The following CGGBP1 variants were observed in gnomAD, a reference collection of about 807,000 sequenced individuals.
CGGBP1 encodes CGG triplet repeat-binding protein 1.
A neutral mutation model predicts 11.4 loss-of-function variants in CGGBP1; 4 were observed. The observed-to-expected ratio is 0.35, with a 90% CI of 0.17 to 0.80. The LOEUF (loss-of-function observed/expected upper bound fraction) is 0.80. CGGBP1 is among the 30% of genes least tolerant of loss of function. The pLI is 0.52. For synonymous variants in CGGBP1, 76 were observed against 74.1 expected (o/e 1.03, Z -0.13); for missense variants, 135 against 202.1 (o/e 0.67, Z 2.01).
intron 2 of CGGBP1, among the ~76,000 whole-genome samples, chr3:88,104,115 A>G (rs1704598816): frequency 1.3e-5 from 2 of 152,134 alleles, no homozygotes; most frequent in African/African-American, 4.8e-5. Flanking sequence ...TATGTAATCA[A>G]AAACTGAGGT....
intron 2 of CGGBP1, chr3:88,139,563 A>C: frequency 2.5e-6 from 4 of 1,613,544 alleles, no homozygotes; most frequent in Non-Finnish European, 3.4e-6. Flanking sequence ...TGAAAATGGG[A>C]ATTCTGATAG....
intron 2 of CGGBP1, among the ~76,000 whole-genome samples, chr3:88,099,377 A>G (rs918055871): frequency 5.3e-5 from 8 of 152,220 alleles, no homozygotes; most frequent in African/African-American, 1.4e-4. Context: ...GGAAGAATCA[A>G]TATTGTGAAA....
At chr3:88,143,382 TA>T (rs947963287) in intron 1 of CGGBP1, 23 of 152,304 alleles carry the variant, frequency 1.5e-4, no homozygotes, top group African/African-American at 5.6e-4. Context: ...AGCTCATAAT[TA>T]AAATCTTTTC....
At chr3:88,128,915 T>C (rs1386977624) in intron 2 of CGGBP1, 2 of 1,535,694 alleles carry the variant, frequency 1.3e-6, no homozygotes, top group Admixed American at 3.9e-5. Context: ...TTAAATCTTG[T>C]ATAAATCACC....
chr3:88,071,150 A>G (rs1295218019), intron 2 of CGGBP1, among the ~76,000 whole-genome samples: 2 of 152,190 alleles, frequency 1.3e-5, no homozygotes, highest in East Asian at 3.8e-4. Flanking sequence ...CTAAAACTAT[A>G]TTATGCAGTT....
intron 2 of CGGBP1, among the ~76,000 whole-genome samples, chr3:88,076,914 G>A (rs1489379259): frequency 6.6e-6 from 1 of 152,136 alleles, no homozygotes; most frequent in Non-Finnish European, 1.5e-5. Flanking sequence ...CAAAGGTGGT[G>A]CAAGTAGCTA....
intron 2 of CGGBP1, among the ~76,000 whole-genome samples, chr3:88,068,225 G>T (rs1033085083): frequency 6.6e-6 from 1 of 151,958 alleles, no homozygotes; most frequent in African/African-American, 2.4e-5. Context: ...GTGCTTATTT[G>T]TCTCGGTGAA....
intron 2 of CGGBP1, among the ~76,000 whole-genome samples, chr3:88,086,726 C>A (rs1425140731): frequency 5.3e-5 from 8 of 152,134 alleles, no homozygotes. Context: ...ATGATAGTTA[C>A]CAGAGAGACC....
intron 2 of CGGBP1, among the ~76,000 whole-genome samples, chr3:88,097,150 G>A (rs1167294672): frequency 6.6e-6 from 1 of 152,090 alleles, no homozygotes; most frequent in Non-Finnish European, 1.5e-5. Context: ...ACCGGAATAT[G>A]TACAAGGGTA....
intron 2 of CGGBP1, chr3:88,140,552 T>G: frequency 1.2e-6 from 2 of 1,613,736 alleles, no homozygotes; most frequent in East Asian, 2.2e-5. Flanking sequence ...AAAAGATGCC[T>G]GACATAGAGC....
In CGGBP1 at chr3:88,055,724, G is replaced by T. The variant is rs780098553; in HGVS notation, c.253C>A (p.Pro85Thr). 2 of 1,614,058 alleles carry T rather than the reference G, an allele frequency of 1.2e-6. No individual in the cohort carries two copies. The highest frequency in any genetic ancestry group is 1.7e-6 in the Non-Finnish European group (2 of 1,180,040). ...TTGCACTGAAGAGATGCAGTTAGGG[G>T]CCTCTGCTTCTTTCTCACATTCTGC... ...EEQNVRKKQRPLTASLQCNST... is the reference protein window; with the variant it reads ...EEQNVRKKQRTLTASLQCNST... Residue 85 changes from proline (P) to threonine (T), a missense_variant, in exon 4 of 4, where the codon CCC (proline) becomes ACC (threonine). Physicochemically the swap from Pro to Thr is conservative, Grantham distance 38. Coordinates refer to ENST00000482016, the MANE Select transcript of CGGBP1 (RefSeq NM_001008390.2). This position sits in a 1 kb window ranked among gnomAD's most constrained non-coding sequence, Gnocchi z 4.2.
chr3:88,097,955 T>C (rs1323816946), intron 2 of CGGBP1, among the ~76,000 whole-genome samples: 1 of 152,036 alleles, frequency 6.6e-6, no homozygotes, highest in African/African-American at 2.4e-5. Context: ...ATTCAAAAGC[T>C]AGCAGAAGAC....
intron 2 of CGGBP1, among the ~76,000 whole-genome samples, chr3:88,064,937 T>C (rs1707110256): frequency 6.6e-6 from 1 of 152,202 alleles, no homozygotes; most frequent in African/African-American, 2.4e-5. Flanking sequence ...TTTGAAAGAG[T>C]ATCCTATTTT....
chr3:88,065,859 C>G (rs1374660354), intron 2 of CGGBP1, among the ~76,000 whole-genome samples: 1 of 152,118 alleles, frequency 6.6e-6, no homozygotes, highest in Non-Finnish European at 1.5e-5. Flanking sequence ...CCCCCACCCC[C>G]AGTAGCTGGG....
At chr3:88,116,626 G>A (rs200451443) in intron 2 of CGGBP1, among the ~76,000 whole-genome samples, 10 of 151,042 alleles carry the variant, frequency 6.6e-5, no homozygotes, top group Admixed American at 2.6e-4. Flanking sequence ...GTGTGTGTGT[G>A]TATATATATG....
chr3:88,075,018 T>C (rs1027196898), intron 2 of CGGBP1, among the ~76,000 whole-genome samples: 3 of 152,240 alleles, frequency 2.0e-5, no homozygotes, highest in Non-Finnish European at 4.4e-5. Flanking sequence ...TCCTCCTTCC[T>C]GAAAGTAGTA....
intron 2 of CGGBP1, among the ~76,000 whole-genome samples, chr3:88,069,911 A>C (rs1462282813): frequency 6.6e-6 from 1 of 152,222 alleles, no homozygotes; most frequent in African/African-American, 2.4e-5. Context: ...CTCCATATTT[A>C]GATTTAACCT....
At chr3:88,141,694 G>GA in intron 1 of CGGBP1, 2 of 1,453,820 alleles carry the variant, frequency 1.4e-6, no homozygotes, top group South Asian at 1.5e-5. Context: ...GCAGTAGTGT[G>GA]AAAAAAGCAC....
intron 2 of CGGBP1, among the ~76,000 whole-genome samples, chr3:88,105,999 T>C (rs1286694818): frequency 1.3e-5 from 2 of 152,178 alleles, no homozygotes; most frequent in Non-Finnish European, 2.9e-5. Context: ...GATCTAGCCT[T>C]CTTCCTCTCC....
Sources: allele counts gnomAD v4.1 joint callset (sites outside exome capture counted in the v4.1 genomes callset), GRCh38; gene constraint gnomAD v4.1.1; non-coding constraint Gnocchi (gnomAD v3.1); transcripts MANE v1.5; gene names NCBI Gene and HGNC (gene_info 2026-07-23, HGNC 2026-07-21).